Variants in CNTN4 observed in about 807,000 individuals in gnomAD.
CNTN4 encodes the protein contactin 4.
A neutral mutation model predicts 122.5 loss-of-function variants in CNTN4; 77 were observed. The observed-to-expected ratio is 0.63, with a 90% CI of 0.52 to 0.76. The LOEUF is 0.76. Ranked by LOEUF, CNTN4 falls within the 30% of genes least tolerant of loss-of-function variation. The pLI, the probability that CNTN4 is intolerant of heterozygous loss-of-function variation, is 0.00. For synonymous variants in CNTN4, 512 were observed against 447.0 expected (o/e 1.15, Z -1.83); for missense variants, 1,256 against 1,259.1 (o/e 1.00, Z 0.04).
intron 4 of CNTN4, among the ~76,000 whole-genome samples, chr3:2,581,725 A>T (rs758822871): frequency 5.3e-5 from 8 of 152,226 alleles, no homozygotes; most frequent in Non-Finnish European, 1.0e-4. Context: ...TATTATTCAT[A>T]ATAGCCAAAA....
At chr3:2,591,616 G>A (rs1458562222) in intron 4 of CNTN4, among the ~76,000 whole-genome samples, 1 of 51,496 alleles carries the variant, frequency 1.9e-5, no homozygotes, top group Non-Finnish European at 4.9e-5. Context: ...CGCCCGCCTC[G>A]GCCTCCCAAA....
At chr3:2,569,861 T>C (rs1267509933) in intron 3 of CNTN4, among the ~76,000 whole-genome samples, 1 of 152,096 alleles carries the variant, frequency 6.6e-6, no homozygotes, top group Non-Finnish European at 1.5e-5. Flanking sequence ...ACAAAAAGTT[T>C]CCTCCTTCCT....
chr3:2,540,527 A>T (rs1483487617), intron 3 of CNTN4, among the ~76,000 whole-genome samples: 4 of 151,948 alleles, frequency 2.6e-5, no homozygotes, highest in Non-Finnish European at 4.4e-5. Flanking sequence ...ATGCCATAAG[A>T]TATTGCCTAC....
At chr3:2,178,316 T>G (rs1397415274) in intron 2 of CNTN4, among the ~76,000 whole-genome samples, 1 of 151,908 alleles carries the variant, frequency 6.6e-6, no homozygotes, top group African/African-American at 2.4e-5. Flanking sequence ...CATCTTAAAC[T>G]CAAAGAATTA....
chr3:2,521,612 A>G lies in CNTN4; in HGVS notation c.-88-49804A>G, dbSNP rs369780490. Among the ~76,000 whole-genome samples, 57 of 152,238 alleles carry G rather than the reference A, an allele frequency of 3.7e-4. No homozygotes were observed. The South Asian group carries it at 6.6e-3, about 18-fold the overall frequency. ...TAATTTAGAAGTAAATATTATAGCAACTAAGTGCAAAAGAGCTCTTAGTGC... is the reference window on the plus strand; with the variant it reads ...TAATTTAGAAGTAAATATTATAGCAGCTAAGTGCAAAAGAGCTCTTAGTGC... On this transcript the variant is annotated intron_variant, in intron 3 of 24. Coordinates refer to ENST00000418658, the MANE Select transcript of CNTN4 (RefSeq NM_175607.3).
rs142907603 is a variant in CNTN4 at position 2,104,229 on chromosome 3, C to CGTGTGTGT, written c.-145+3610_-145+3617dup. ...TCCACTTCTGTGCCATTTATGTCTA[C>CGTGTGTGT]GTGTGTGTGTGTGTGTGTGTGTGTG... is the stretch of plus-strand genomic sequence containing the variant. On this transcript the variant is annotated intron_variant, in intron 2 of 24. Transcript: ENST00000418658. Among the ~76,000 whole-genome samples the CGTGTGTGT allele has an allele frequency of 4.1e-4, 56 of 135,678 alleles. No homozygotes were observed. The East Asian group carries it at 4.9e-3, about 12-fold the overall frequency. The allele number at this position is 135,678 out of a possible 152,430, so 89.0% of individuals were successfully genotyped here.
intron 3 of CNTN4, among the ~76,000 whole-genome samples, chr3:2,370,938 G>T (rs912295067): frequency 6.6e-5 from 10 of 152,132 alleles, no homozygotes; most frequent in Non-Finnish European, 2.9e-5. Flanking sequence ...CCTGAAAAGC[G>T]TGATTTAAAA....
In CNTN4 at chr3:2,680,780, G is replaced by C. The variant is rs77766111; in HGVS notation, c.56-55435G>C. On this transcript the variant is annotated intron_variant, in intron 4 of 24. Transcript: ENST00000418658. ...TAATGAAAATCTCAATATAAAGTTG[G>C]ATACCAGTTTTATACATGTAAAAAT... 3.9e-4 allele frequency among the ~76,000 whole-genome samples: 60 copies of C among 152,136 alleles called. No individual in the cohort carries two copies. The South Asian group carries it at 6.0e-3, about 15-fold the overall frequency.
chr3:2,103,234 C>T (rs572049654), intron 2 of CNTN4, among the ~76,000 whole-genome samples: 28 of 151,356 alleles, frequency 1.8e-4, no homozygotes, highest in Middle Eastern at 6.8e-3. Context: ...GCCACTGGAC[C>T]GCTTTTTACT....
chr3:2,144,882 G>A (rs1278415518), intron 2 of CNTN4, among the ~76,000 whole-genome samples: 2 of 152,114 alleles, frequency 1.3e-5, no homozygotes, highest in Non-Finnish European at 2.9e-5. Context: ...TGTTCATATT[G>A]GATTTATTGT....
At chr3:2,353,654 C>T (rs1251790950) in intron 3 of CNTN4, among the ~76,000 whole-genome samples, 2 of 152,140 alleles carry the variant, frequency 1.3e-5, no homozygotes, top group African/African-American at 2.4e-5. Context: ...CTGTAACACT[C>T]ACCGTGAGGG....
intron 6 of CNTN4, among the ~76,000 whole-genome samples, chr3:2,757,617 C>A (rs181297965): frequency 6.6e-6 from 1 of 152,316 alleles, no homozygotes; most frequent in Non-Finnish European, 1.5e-5. Context: ...CAGTCAGCAC[C>A]TTTCCCGGAG....
intron 3 of CNTN4, among the ~76,000 whole-genome samples, chr3:2,435,605 A>T (rs1035981205): frequency 6.6e-6 from 1 of 152,118 alleles, no homozygotes; most frequent in Non-Finnish European, 1.5e-5. Flanking sequence ...AGAACACAGG[A>T]AATTATTTTA....
intron 3 of CNTN4, among the ~76,000 whole-genome samples, chr3:2,368,036 T>C (rs1249056416): frequency 1.4e-5 from 2 of 146,650 alleles, no homozygotes; most frequent in African/African-American, 5.1e-5. Flanking sequence ...CTTCTTTTTT[T>C]TTTTTTTTTT....
chr3:2,726,750 G>T (rs1232061658), intron 4 of CNTN4, among the ~76,000 whole-genome samples: 1 of 152,180 alleles, frequency 6.6e-6, no homozygotes, highest in Non-Finnish European at 1.5e-5. Flanking sequence ...TATTGTAATG[G>T]TGGATCCATG....
Position 2,992,258 on chromosome 3 carries a change from A to G in CNTN4, c.1486+3786A>G, listed in dbSNP as rs116983849. 1.4e-3 allele frequency among the ~76,000 whole-genome samples: 209 copies of G among 152,326 alleles called. 1 individual carries two copies. The East Asian group carries it at 0.019, about 14-fold the overall frequency. On this transcript the variant is annotated intron_variant, in intron 14 of 24. Coordinates refer to ENST00000418658, the MANE Select transcript of CNTN4 (RefSeq NM_175607.3). Reference sequence around the variant, plus strand: ...ACAGGTGCCCAGGGGGCTCTTGATTATCATCCCATCATCTGAATTCCTAAA... The same window carrying G: ...ACAGGTGCCCAGGGGGCTCTTGATTGTCATCCCATCATCTGAATTCCTAAA...
chr3:2,801,374 A>G (rs567847737), intron 6 of CNTN4, among the ~76,000 whole-genome samples: 3 of 152,266 alleles, frequency 2.0e-5, no homozygotes, highest in Non-Finnish European at 4.4e-5. Context: ...CTGTGAAAGC[A>G]GTGAAACATT....
intron 3 of CNTN4, among the ~76,000 whole-genome samples, chr3:2,541,431 G>T (rs369932641): frequency 1.3e-5 from 2 of 152,000 alleles, no homozygotes; most frequent in South Asian, 2.1e-4. Flanking sequence ...GAGAAAAACC[G>T]TTTTTTCCAT....
intron 3 of CNTN4, among the ~76,000 whole-genome samples, chr3:2,399,941 A>C (rs2046778831): frequency 6.6e-6 from 1 of 152,126 alleles, no homozygotes; most frequent in Non-Finnish European, 1.5e-5. Context: ...TACAATCAAT[A>C]AATGTGAGTG....
Sources: gnomAD v4.1 joint callset for allele counts (sites outside exome capture counted in the v4.1 genomes callset) on GRCh38, gnomAD v4.1.1 for gene constraint, MANE v1.5 for transcripts, NCBI Gene and HGNC (gene_info 2026-07-23, HGNC 2026-07-21) for gene names.